The following FBXO15 variants were observed in gnomAD, a reference collection of about 807,000 sequenced individuals.
The protein encoded by FBXO15 is F-box protein 15.
FBXO15 carries 30 observed loss-of-function variants against 49.5 expected under a neutral mutation model. That is an observed-to-expected ratio of 0.61 (90% CI 0.45 to 0.82). The LOEUF (loss-of-function observed/expected upper bound fraction) is 0.82, where lower values mean the gene tolerates loss of function less well. FBXO15 is among the 40% of genes least tolerant of loss of function. FBXO15 has a pLI of 0.00. For missense variants in FBXO15, 591 were observed against 631.5 expected (o/e 0.94, Z 0.69); for synonymous variants, 250 against 232.7 (o/e 1.07, Z -0.68).
intron 8 of FBXO15, among the ~76,000 whole-genome samples, chr18:74,108,576 T>C (rs750722581): frequency 6.7e-6 from 1 of 148,388 alleles, no homozygotes; most frequent in Non-Finnish European, 1.5e-5. Context: ...CCACAAAAGG[T>C]GTAATTTACA....
At chr18:74,118,088 C>G (rs1453260846) in intron 8 of FBXO15, among the ~76,000 whole-genome samples, 5 of 151,758 alleles carry the variant, frequency 3.3e-5, no homozygotes, top group African/African-American at 1.2e-4. Flanking sequence ...CTCACTGAAC[C>G]CTGGAACTCT....
At chr18:74,102,934 G>A (rs1249373168) in intron 8 of FBXO15, among the ~76,000 whole-genome samples, 3 of 151,998 alleles carry the variant, frequency 2.0e-5, no homozygotes, top group Non-Finnish European at 2.9e-5. Flanking sequence ...TGACACAATG[G>A]ACTTTGGGGA....
intron 8 of FBXO15, among the ~76,000 whole-genome samples, chr18:74,104,528 C>T (rs1226811186): frequency 1.3e-5 from 2 of 152,022 alleles, no homozygotes; most frequent in Non-Finnish European, 2.9e-5. Context: ...ATGCTGCCTA[C>T]AAGAGACCCA....
At chr18:74,118,002 C>T (rs1053344687) in intron 8 of FBXO15, among the ~76,000 whole-genome samples, 2 of 148,680 alleles carry the variant, frequency 1.3e-5, no homozygotes, top group African/African-American at 2.5e-5. Context: ...ATTCTACATA[C>T]ATATTTCTTT....
intron 3 of FBXO15, among the ~76,000 whole-genome samples, chr18:74,131,837 C>T (rs576015315): frequency 1.3e-5 from 2 of 152,334 alleles, no homozygotes; most frequent in African/African-American, 2.4e-5. Context: ...AGCGATTCCC[C>T]CACAGAGCAG....
At chr18:74,117,814 T>C (rs1161758285) in intron 8 of FBXO15, among the ~76,000 whole-genome samples, 1 of 152,194 alleles carries the variant, frequency 6.6e-6, no homozygotes, top group Non-Finnish European at 1.5e-5. Context: ...GTATGAGGAA[T>C]GCAAACATAA....
chr18:74,110,164 C>CATATAT lies in FBXO15; in HGVS notation c.1138+13198_1138+13203dup, dbSNP rs61486308. ...ATTCTAATATATATACATATGTGTG[C>CATATAT]ATATATATATATATATACACATATG... On this transcript the variant is annotated intron_variant, in intron 8 of 9. Coordinates refer to ENST00000419743, the MANE Select transcript of FBXO15 (RefSeq NM_001142958.2). Among the ~76,000 whole-genome samples, 273 of 129,560 alleles carry CATATAT rather than the reference C, an allele frequency of 2.1e-3. 5 individuals are homozygous for CATATAT. The highest frequency in any genetic ancestry group is 4.5e-3 in the East Asian group (21 of 4,630). The allele number at this position is 129,560 out of a possible 152,430, so 85.0% of individuals were successfully genotyped here.
In FBXO15 at chr18:74,129,488, T is replaced by C. The variant is rs1261419761; in HGVS notation, c.702A>G (p.Pro234=). 6.2e-7 allele frequency: 1 copy of C among 1,613,944 alleles called. No homozygotes were observed. Among genetic ancestry groups the C allele is most frequent in the African/African-American group, 1.3e-5 (1 of 74,926 alleles). The part of the protein sequence containing the change: ...VTVIWYGKKW[P]CLASLSTLDL... The stretch of plus-strand genomic sequence containing the variant: ...CTAAGGTTGACAATGATGCTAGGCA[T>C]GGCCATTTTTTGCCATACCATATAA... Residue 234 remains proline (P), a synonymous_variant, in exon 5 of 10, where the codon CCA becomes CCG. Coordinates refer to ENST00000419743, the MANE Select transcript of FBXO15 (RefSeq NM_001142958.2).
At position 74,140,307 on chromosome 18, in the gene FBXO15, C is replaced by T; in HGVS notation, c.122G>A (p.Gly41Glu). 1.3e-6 allele frequency: 2 copies of T among 1,549,448 alleles called. No individual in the cohort carries two copies. Among genetic ancestry groups the T allele is most frequent in the South Asian group, 1.2e-5 (1 of 83,446 alleles). Reference protein sequence around the residue: ...GRARAFGCRKGPGVKLSAGSA... With the variant: ...GRARAFGCRKEPGVKLSAGSA... The stretch of plus-strand genomic sequence containing the variant: ...GCCTGCAGAAAGCTTGACCCCTGGC[C>T]CCTTTCTGAAAGTAAATGTGGGAAA... Residue 41 changes from glycine (G) to glutamate (E), a missense_variant, in exon 2 of 10, where the codon GGG becomes GAG. Transcript: ENST00000419743.
chr18:74,120,064 A>G (rs1914409716), intron 8 of FBXO15, among the ~76,000 whole-genome samples: 1 of 152,194 alleles, frequency 6.6e-6, no homozygotes, highest in African/African-American at 2.4e-5. Context: ...ACTGGCATAG[A>G]AGGCACAGCG....
chr18:74,147,717 G>T lies in FBXO15; in HGVS notation c.69C>A (p.Ser23Arg), dbSNP rs566594682. The change falls in exon 1 of 10, where the codon AGC (serine) becomes AGA (arginine). Residue 23 changes from serine (S) to arginine (R), a missense_variant. By Grantham distance (110) the Ser-to-Arg change is moderately radical. Transcript: ENST00000419743. The part of the protein sequence containing the change: ...WLGLQTLRGP[S>R]RGGGAARGRA... ...GCCCCCGGGCCGCGCCACCGCCCCT[G>T]CTGGGCCCGCGCAGCGTCTGGAGGC... 2 of 1,532,750 alleles carry T rather than the reference G, an allele frequency of 1.3e-6. No individual in the cohort carries two copies. Among genetic ancestry groups the T allele is most frequent in the East Asian group, 2.5e-5 (1 of 39,678 alleles). The allele number at this position is 1,532,750 out of a possible 1,614,324, so 94.9% of individuals were successfully genotyped here. A position where few individuals can be genotyped will look rare whatever the true frequency, so the allele number is the denominator to read the frequency against.
At chr18:74,143,444 T>C (rs929553096) in intron 1 of FBXO15, among the ~76,000 whole-genome samples, 2 of 152,190 alleles carry the variant, frequency 1.3e-5, no homozygotes, top group Non-Finnish European at 2.9e-5. Context: ...TAAGACAAGA[T>C]ACAGTGGTAC....
rs1339397416 is a variant in FBXO15, at chr18:74,124,122, C to G, written c.995+367G>C. Among the ~76,000 whole-genome samples, 9 of 152,136 alleles carry G rather than the reference C, an allele frequency of 5.9e-5. No individual in the cohort carries two copies. In the East Asian group the frequency reaches 1.7e-3, roughly 29 times the overall value. ...AAAGACACACACTGTCCAGACCGGA[C>G]AGAATCATCCGCAGGCCAGGTTCAG... On this transcript the variant is annotated intron_variant, in intron 7 of 9. Coordinates refer to ENST00000419743, the MANE Select transcript of FBXO15 (RefSeq NM_001142958.2).
intron 2 of FBXO15, among the ~76,000 whole-genome samples, chr18:74,138,733 T>C (rs1978879745): frequency 6.6e-6 from 1 of 152,142 alleles, no homozygotes; most frequent in Non-Finnish European, 1.5e-5. Context: ...TCTTCCGCCC[T>C]GACCCCACCT....
At position 74,123,372 on chromosome 18, in the gene FBXO15, C is replaced by T; in HGVS notation, c.1134G>A (p.Lys378=). The change falls in exon 8 of 10, where the codon AAG becomes AAA. Residue 378 remains lysine (K), a synonymous_variant. Transcript: ENST00000419743. ...LCGTFRNLFT[K]RGNIENGHVK... ...TAAAAACTCAATCAATTTCACCTCT[C>T]TTGGTGAAGAGATTGCGAAATGTAC... 1 of 1,601,908 alleles carries T rather than the reference C, an allele frequency of 6.2e-7. No individual in the cohort carries two copies. The highest frequency in any genetic ancestry group is 8.5e-7 in the Non-Finnish European group (1 of 1,177,188).
intron 3 of FBXO15, among the ~76,000 whole-genome samples, chr18:74,132,516 C>T (rs989451374): frequency 2.6e-5 from 4 of 152,200 alleles, no homozygotes; most frequent in African/African-American, 9.6e-5. Context: ...GAACTATGTT[C>T]ACATACATGA....
chr18:74,081,783 C>T (rs919083759), intron 9 of FBXO15, 144 bp downstream of exon 9: 2 of 615,224 alleles, frequency 3.3e-6, no homozygotes, highest in African/African-American at 3.9e-5. Context: ...GAATGTGCAC[C>T]AACCTTCAGA....
chr18:74,106,199 G>A (rs1913755355), intron 8 of FBXO15, among the ~76,000 whole-genome samples: 2 of 152,038 alleles, frequency 1.3e-5, no homozygotes, highest in South Asian at 2.1e-4. Context: ...GTTGAAAAAG[G>A]AGAAATACTC....
At chr18:74,089,229 G>C (rs1240148998) in intron 8 of FBXO15, among the ~76,000 whole-genome samples, 1 of 152,052 alleles carries the variant, frequency 6.6e-6, no homozygotes, top group Non-Finnish European at 1.5e-5. Context: ...TCTTGATTTG[G>C]CTGTCAGCAT....
Sources: allele counts gnomAD v4.1 joint callset (sites outside exome capture counted in the v4.1 genomes callset), GRCh38; gene constraint gnomAD v4.1.1; transcripts MANE v1.5; gene names NCBI Gene and HGNC (gene_info 2026-07-23, HGNC 2026-07-21).